The following MAPT variants were observed in gnomAD, a reference collection of about 807,000 sequenced individuals.
MAPT encodes the protein microtubule-associated protein tau.
In MAPT, 34 loss-of-function variants were observed where a neutral mutation model predicts 67.9. That is an observed-to-expected ratio of 0.50 (90% CI 0.38 to 0.67). The LOEUF is 0.67. Ranked by LOEUF, MAPT falls within the 30% of genes least tolerant of loss-of-function variation. MAPT has a pLI of 0.00. For missense variants in MAPT, 881 were observed against 1,115.2 expected, an observed-to-expected ratio of 0.79 and a Z score of 2.99; for synonymous variants, 456 against 464.5, an observed-to-expected ratio of 0.98 and a Z score of 0.23.
intron 1 of MAPT, among the ~76,000 whole-genome samples, chr17:45,945,530 T>C (rs938020288): frequency 6.6e-6 from 1 of 152,128 alleles, no homozygotes; most frequent in African/African-American, 2.4e-5. Context: ...CAAAGCTTAT[T>C]GGCTGGACAT....
At chr17:45,998,568 T>G (rs2074707260) in intron 9 of MAPT, among the ~76,000 whole-genome samples, 1 of 152,098 alleles carries the variant, frequency 6.6e-6, no homozygotes, top group South Asian at 2.1e-4. Context: ...TGGCAAACGA[T>G]CCGGGTTAAA....
intron 1 of MAPT, among the ~76,000 whole-genome samples, chr17:45,945,680 G>A (rs565800004): frequency 1.3e-5 from 2 of 152,318 alleles, no homozygotes; most frequent in African/African-American, 4.8e-5. Flanking sequence ...GGGCGTGGTG[G>A]TGCACACCTG....
At chr17:45,997,032 C>G (rs567196398) in intron 9 of MAPT, among the ~76,000 whole-genome samples, 2 of 152,364 alleles carry the variant, frequency 1.3e-5, no homozygotes, top group South Asian at 4.1e-4. Context: ...CGGTTCCCCA[C>G]CTGCCTTCTG....
chr17:46,006,849 G>A (rs1303359444), intron 9 of MAPT, among the ~76,000 whole-genome samples: 1 of 151,972 alleles, frequency 6.6e-6, no homozygotes, highest in African/African-American at 2.4e-5. Flanking sequence ...CGTGAACCCG[G>A]GAGGCGGAGC....
rs2073179641 is a variant in MAPT, at chr17:45,983,370, A to G, written c.791A>G (p.Lys264Arg). 2 of 1,609,590 alleles carry G rather than the reference A, an allele frequency of 1.2e-6. No homozygotes were observed. Among genetic ancestry groups the G allele is most frequent in the African/African-American group, 1.3e-5 (1 of 74,970 alleles). The change falls in exon 5 of 13, where the codon AAG becomes AGG. Residue 264 changes from lysine to arginine, a missense_variant. Lys to Arg is a conservative substitution (Grantham distance 26). This residue lies in a region of MAPT where 687 missense variants were observed against 766.1 expected (regional missense o/e 0.90). Coordinates refer to ENST00000262410, the MANE Select transcript of MAPT (RefSeq NM_001377265.1). ...GGCCGCCACGCCCCTGAGCTGCTCA[A>G]GCACCAGCTTCTAGGAGACCTGCAC... ...EGGRHAPELLKHQLLGDLHQE... is the reference protein window; with the variant it reads ...EGGRHAPELLRHQLLGDLHQE...
chr17:45,974,570 CT>C, intron 3 of MAPT: 1 of 943,694 alleles, frequency 1.1e-6, no homozygotes, highest in South Asian at 1.4e-5. Context: ...GTTTATCCTC[CT>C]GTGGGGCAGG....
intron 1 of MAPT, among the ~76,000 whole-genome samples, chr17:45,952,539 C>T (rs2069188518): frequency 6.6e-6 from 1 of 152,346 alleles, no homozygotes; most frequent in Non-Finnish European, 1.5e-5. Context: ...GATCCCAGCA[C>T]TTTGGGAGGC....
chr17:46,018,734 A>G lies in MAPT; in HGVS notation c.2286+4A>G, dbSNP rs1410627450. 1.9e-6 allele frequency: 3 copies of G among 1,605,134 alleles called. No homozygotes were observed. ...CCCTGGCGGAGGAAATAAAAAGGTAAAGGGGGTAGGGTGGGTTGGATGCTG... is the reference window on the plus strand; with the variant it reads ...CCCTGGCGGAGGAAATAAAAAGGTAGAGGGGGTAGGGTGGGTTGGATGCTG... On this transcript the variant is annotated splice_donor_region_variant and intron_variant, in intron 12 of 12. Coordinates refer to ENST00000262410, the MANE Select transcript of MAPT (RefSeq NM_001377265.1).
At chr17:45,948,391 C>T (rs1445092858) in intron 1 of MAPT, among the ~76,000 whole-genome samples, 1 of 152,186 alleles carries the variant, frequency 6.6e-6, no homozygotes, top group Non-Finnish European at 1.5e-5. Flanking sequence ...CAGCCTTCAC[C>T]TAGGCCCAGG....
chr17:45,948,859 A>G (rs1384927694), intron 1 of MAPT, among the ~76,000 whole-genome samples: 1 of 152,246 alleles, frequency 6.6e-6, no homozygotes, highest in Non-Finnish European at 1.5e-5. Flanking sequence ...AGACCAGAGC[A>G]AAGGAAAGAC....
At chr17:46,012,400 C>A (rs952846591) in intron 10 of MAPT, among the ~76,000 whole-genome samples, 1 of 152,120 alleles carries the variant, frequency 6.6e-6, no homozygotes, top group East Asian at 1.9e-4. Context: ...TGCTTGTCTG[C>A]GGTCTAGCCT....
chr17:45,939,283 C>T (rs1337373929), intron 1 of MAPT, among the ~76,000 whole-genome samples: 1 of 152,104 alleles, frequency 6.6e-6, no homozygotes, highest in Non-Finnish European at 1.5e-5. Context: ...ATAATTAATA[C>T]TTTACAACAA....
At chr17:45,907,987 G>C (rs1009193008) in intron 1 of MAPT, 3 of 152,330 alleles carry the variant, frequency 2.0e-5, no homozygotes, top group African/African-American at 7.2e-5. Context: ...CCCCCATCTG[G>C]TTCTACTGCC....
rs948573449 is a variant in MAPT, at chr17:46,018,716, G to A, written c.2272G>A (p.Gly758Arg). The A allele has an allele frequency of 7.4e-6, 12 of 1,613,560 alleles. No homozygotes were observed. The highest frequency in any genetic ancestry group is 1.1e-5 in the South Asian group (1 of 91,086). The change falls in exon 12 of 13, where the codon GGA becomes AGA. Residue 758 changes from glycine to arginine, a missense_variant. Coordinates refer to ENST00000262410, the MANE Select transcript of MAPT (RefSeq NM_001377265.1). ...SLDNITHVPGGGNKKIETHKL... is the reference protein window; with the variant it reads ...SLDNITHVPGRGNKKIETHKL... Reference sequence around the variant, plus strand: ...GGACAATATCACCCACGTCCCTGGCGGAGGAAATAAAAAGGTAAAGGGGGT... The same window carrying A: ...GGACAATATCACCCACGTCCCTGGCAGAGGAAATAAAAAGGTAAAGGGGGT...
At chr17:45,987,547 T>C (rs545743730) in intron 6 of MAPT, among the ~76,000 whole-genome samples, 20 of 152,348 alleles carry the variant, frequency 1.3e-4, no homozygotes, top group African/African-American at 4.8e-4. Context: ...TGGGGAAATG[T>C]CTGGGGAAAT....
At chr17:45,989,830 C>A in intron 6 of MAPT, 48 bp from the exon 7 acceptor site, 1 of 1,537,554 alleles carries the variant, frequency 6.5e-7, no homozygotes, top group Non-Finnish European at 9.0e-7. Flanking sequence ...TGTTTCCCTC[C>A]TCCATGTGCT....
At chr17:46,018,077 G>A (rs1343943296) in intron 11 of MAPT, among the ~76,000 whole-genome samples, 2 of 151,240 alleles carry the variant, frequency 1.3e-5, no homozygotes, top group Non-Finnish European at 2.9e-5. Flanking sequence ...CCCGGGAGGC[G>A]GAGCTTGCAG....
chr17:45,956,751 C>G (rs1330830992), intron 1 of MAPT, among the ~76,000 whole-genome samples: 1 of 151,368 alleles, frequency 6.6e-6, no homozygotes, highest in Non-Finnish European at 1.5e-5. Context: ...CCCCACTCCC[C>G]CCACCCCACA....
intron 1 of MAPT, among the ~76,000 whole-genome samples, chr17:45,917,776 T>A (rs1421048179): frequency 2.7e-5 from 3 of 112,538 alleles, no homozygotes; most frequent in African/African-American, 5.3e-5. Flanking sequence ...GCGTCTTTTT[T>A]TTTTTTTCTT....
Sources: allele counts gnomAD v4.1 joint callset (sites outside exome capture counted in the v4.1 genomes callset), GRCh38; gene constraint gnomAD v4.1.1; regional missense constraint gnomAD v4.1.1; transcripts MANE v1.5; gene names NCBI Gene and HGNC (gene_info 2026-07-23, HGNC 2026-07-21).